Variants in TTC3 observed in about 807,000 individuals in gnomAD.
The protein encoded by TTC3 is tetratricopeptide repeat domain 3.
Under a neutral mutation model 249.6 loss-of-function variants are expected in TTC3, and 180 were observed. The ratio of observed to expected loss-of-function variants is 0.72; its 90% confidence interval spans 0.64 to 0.82. TTC3 has a LOEUF of 0.82. Ranked by LOEUF, TTC3 falls within the 40% of genes least tolerant of loss-of-function variation. The pLI, the probability that TTC3 is intolerant of heterozygous loss-of-function variation, is 0.00. For missense variants in TTC3, 2,061 were observed against 2,398.4 expected, an observed-to-expected ratio of 0.86 and a Z score of 2.94; for synonymous variants, 717 against 805.0, an observed-to-expected ratio of 0.89 and a Z score of 1.85.
At chr21:37,098,571 C>T (rs1247115723) in intron 10 of TTC3, 1 of 152,214 alleles carries the variant, frequency 6.6e-6, no homozygotes, top group African/African-American at 2.4e-5. Context: ...AAAGCCAGGT[C>T]AGCAGCATTG....
intron 2 of TTC3, 50 bp from the exon 3 acceptor site, chr21:37,087,783 A>G: frequency 1.4e-6 from 2 of 1,415,670 alleles, no homozygotes; most frequent in East Asian, 4.6e-5. Flanking sequence ...TAGATTAAAA[A>G]TCAAGAACAT....
rs1860297104 is a variant in TTC3 at position 37,165,775 on chromosome 21, TA to T, written c.3565del (p.Thr1189GlnfsTer3). The T allele has an allele frequency of 6.2e-7, 1 of 1,613,556 alleles. No homozygotes were observed. The highest frequency in any genetic ancestry group is 1.3e-5 in the African/African-American group (1 of 74,838). ...AGAAAAAAAGGAAGAAGAAAAACAT[TA>T]AAACAAAAGTAGAAGAAATTTCAAA... On this transcript the variant is annotated frameshift_variant, in exon 33 of 46. Transcript: ENST00000355666. LOFTEE classifies it high-confidence loss of function.
chr21:37,087,904 T>C (rs749674460), intron 3 of TTC3, 29 bp downstream of exon 3: 1 of 1,548,334 alleles, frequency 6.5e-7, no homozygotes. Flanking sequence ...TTAATGTTAA[T>C]TTATGGAAAG....
chr21:37,176,306 C>T (rs1457798436), intron 35 of TTC3, among the ~76,000 whole-genome samples: 3 of 152,198 alleles, frequency 2.0e-5, no homozygotes, highest in African/African-American at 7.2e-5. Context: ...ACCATTACCA[C>T]TGTCTAATTC....
At chr21:37,168,680 C>G (rs1239673972) in intron 34 of TTC3, among the ~76,000 whole-genome samples, 3 of 152,102 alleles carry the variant, frequency 2.0e-5, no homozygotes, top group African/African-American at 7.2e-5. Context: ...TATACATGAA[C>G]AGGGCAAATT....
chr21:37,138,194 A>C (rs1330444416), intron 18 of TTC3, among the ~76,000 whole-genome samples: 1 of 152,210 alleles, frequency 6.6e-6, no homozygotes, highest in Non-Finnish European at 1.5e-5. Context: ...ACATAACTTT[A>C]ATATGCACTG....
At chr21:37,159,404 A>C (rs1295424733) in intron 28 of TTC3, 1 of 288,156 alleles carries the variant, frequency 3.5e-6, no homozygotes, top group African/African-American at 2.2e-5. Flanking sequence ...ACAGGAGTTC[A>C]TCAATGGTAG....
chr21:37,095,479 T>C, intron 9 of TTC3, 35 bp downstream of exon 9: 1 of 1,356,286 alleles, frequency 7.4e-7, no homozygotes, highest in Non-Finnish European at 1.0e-6. Context: ...ATGCTTTTTC[T>C]ATGGCACATC....
chr21:37,077,735 A>G (rs1196536581), intron 1 of TTC3, among the ~76,000 whole-genome samples: 1 of 152,164 alleles, frequency 6.6e-6, no homozygotes, highest in African/African-American at 2.4e-5. Flanking sequence ...TTTCCTTTTT[A>G]TGAAATATCT....
In TTC3 at chr21:37,165,641, C is replaced by T; in HGVS notation, c.3427C>T (p.Arg1143Ter). The T allele has an allele frequency of 3.7e-6, 6 of 1,613,922 alleles. No homozygotes were observed. The highest frequency in any genetic ancestry group is 1.1e-5 in the South Asian group (1 of 91,078). ...ATATGAGTTTTTCCCAGAAGAAACT[C>T]GACAGATACTAGAAAAAGCAGGAGG... The change falls in exon 33 of 46, where the codon CGA becomes TGA. Residue 1143 changes from arginine (R) to a stop codon, truncating the protein, a stop_gained. Coordinates refer to ENST00000355666, the Ensembl canonical transcript of TTC3. LOFTEE classifies it high-confidence loss of function.
chr21:37,141,352 C>T (rs1322244189), intron 20 of TTC3, among the ~76,000 whole-genome samples: 1 of 152,006 alleles, frequency 6.6e-6, no homozygotes, highest in South Asian at 2.1e-4. Flanking sequence ...TTTATAATTT[C>T]TAACTGTCTT....
chr21:37,105,463 C>T (rs1158052616), intron 10 of TTC3, among the ~76,000 whole-genome samples: 4 of 152,140 alleles, frequency 2.6e-5, no homozygotes, highest in Non-Finnish European at 1.5e-5. Flanking sequence ...AGGATGGCTG[C>T]TGTAATTCAG....
At chr21:37,137,063 A>G (rs1448432772) in intron 18 of TTC3, among the ~76,000 whole-genome samples, 8 of 152,222 alleles carry the variant, frequency 5.3e-5, no homozygotes, top group African/African-American at 1.7e-4. Context: ...ACCTACTGCT[A>G]GAATAAAAGA....
intron 42 of TTC3, among the ~76,000 whole-genome samples, chr21:37,197,181 C>G (rs2085005829): frequency 6.6e-6 from 1 of 152,106 alleles, no homozygotes; most frequent in Non-Finnish European, 1.5e-5. Context: ...ATATGATTAG[C>G]CAGCAGGCAT....
intron 8 of TTC3, among the ~76,000 whole-genome samples, chr21:37,095,022 G>A (rs2073762039): frequency 6.6e-6 from 1 of 151,996 alleles, no homozygotes; most frequent in Non-Finnish European, 1.5e-5. Context: ...TGTAGTCCTA[G>A]CTACTTGGGA....
intron 20 of TTC3, among the ~76,000 whole-genome samples, chr21:37,143,436 A>C (rs911085191): frequency 6.6e-6 from 1 of 152,202 alleles, no homozygotes; most frequent in Non-Finnish European, 1.5e-5. Context: ...GGCAAAGGAT[A>C]TGAACAGACA....
intron 11 of TTC3, among the ~76,000 whole-genome samples, chr21:37,114,001 C>G (rs963718923): frequency 5.3e-5 from 8 of 152,180 alleles, no homozygotes; most frequent in African/African-American, 1.9e-4. Flanking sequence ...AAAGCTGAAA[C>G]TGGATCCCTT....
chr21:37,162,567 A>C (rs1008604366), intron 31 of TTC3, among the ~76,000 whole-genome samples: 2 of 152,192 alleles, frequency 1.3e-5, no homozygotes, highest in African/African-American at 4.8e-5. Context: ...AGTGAGTAGC[A>C]GTAACCTTTT....
At position 37,150,823 on chromosome 21, in the gene TTC3, G is replaced by T; in HGVS notation, c.2215G>T (p.Glu739Ter). The change falls in exon 25 of 46, where the codon GAA becomes TAA. Residue 739 changes from glutamate to a stop codon, truncating the protein, a stop_gained. Transcript: ENST00000355666. LOFTEE classifies it high-confidence loss of function. ...GATGTCTTTGTTTTATTTAAAGTTT[G>T]AACACAAGGTCATAAAAGAAAAGGT... is the stretch of plus-strand genomic sequence containing the variant. The T allele has an allele frequency of 6.2e-7, 1 of 1,610,166 alleles. No homozygotes were observed. Among genetic ancestry groups the T allele is most frequent in the South Asian group, 1.1e-5 (1 of 90,508 alleles).
Sources: gnomAD v4.1 joint callset for allele counts (sites outside exome capture counted in the v4.1 genomes callset) on GRCh38, gnomAD v4.1.1 for gene constraint, MANE v1.5 for transcripts, NCBI Gene and HGNC (gene_info 2026-07-23, HGNC 2026-07-21) for gene names.